Variants in GALNT13 observed in about 807,000 individuals in gnomAD.
The protein encoded by GALNT13 is UDP-GalNAc:polypeptide N-acetylgalactosaminyltransferase 13.
A neutral mutation model predicts 64.2 loss-of-function variants in GALNT13; 28 were observed. The observed-to-expected ratio is 0.44, with a 90% CI of 0.32 to 0.60. The LOEUF (loss-of-function observed/expected upper bound fraction) is 0.60. GALNT13 is among the 20% of genes least tolerant of loss of function. The pLI, the probability that GALNT13 is intolerant of heterozygous loss-of-function variation, is 0.05. For synonymous variants in GALNT13, 214 were observed against 224.6 expected, an observed-to-expected ratio of 0.95 and a Z score of 0.42; for missense variants, 577 against 669.8, an observed-to-expected ratio of 0.86 and a Z score of 1.53.
chr2:153,079,670 C>T, the GALNT13 span, among the ~76,000 whole-genome samples: 577 of 152,214 alleles, frequency 3.8e-3, 5 homozygotes, highest in African/African-American at 0.013. Flanking sequence ...TTTAATTTTT[C>T]TTTAATACTA....
chr2:154,208,084 T>C (rs993909181), intron 4 of GALNT13, among the ~76,000 whole-genome samples: 1 of 152,160 alleles, frequency 6.6e-6, no homozygotes, highest in Non-Finnish European at 1.5e-5. Context: ...AAGTTCCAGT[T>C]AGATCAAAGA....
At chr2:153,094,983 G>A in the GALNT13 span, among the ~76,000 whole-genome samples, 1 of 152,084 alleles carries the variant, frequency 6.6e-6, no homozygotes, top group Non-Finnish European at 1.5e-5. Flanking sequence ...CATGGGCAAG[G>A]ACTTCATGAC....
chr2:153,944,819 T>C (rs1270829305), intron 3 of GALNT13, among the ~76,000 whole-genome samples, 180 bp downstream of exon 3: 1 of 152,172 alleles, frequency 6.6e-6, no homozygotes, highest in African/African-American at 2.4e-5. Context: ...GTCTTAGGCG[T>C]CTTCTTGGAA....
At chr2:153,474,007 C>T in the GALNT13 span, among the ~76,000 whole-genome samples, 25 of 152,248 alleles carry the variant, frequency 1.6e-4, no homozygotes, top group East Asian at 3.5e-3. Context: ...TGAGATCATG[C>T]GTAATCGATC....
chr2:153,168,709 A>G, the GALNT13 span, among the ~76,000 whole-genome samples: 1 of 152,184 alleles, frequency 6.6e-6, no homozygotes, highest in Non-Finnish European at 1.5e-5. Context: ...CCTATCTCCC[A>G]TGATTTTTAA....
intron 3 of GALNT13, among the ~76,000 whole-genome samples, chr2:154,067,750 A>C (rs1037835929): frequency 7.9e-5 from 12 of 152,114 alleles, no homozygotes; most frequent in African/African-American, 2.9e-4. Context: ...CTAAGACTTG[A>C]AACTATGAAA....
At chr2:153,922,663 CA>C (rs35317582) in intron 2 of GALNT13, among the ~76,000 whole-genome samples, 1 of 152,022 alleles carries the variant, frequency 6.6e-6, no homozygotes, top group Non-Finnish European at 1.5e-5. Context: ...ATCCTTCCCC[CA>C]ACCCTTACTC....
the GALNT13 span, among the ~76,000 whole-genome samples, chr2:153,322,025 AT>A: frequency 2.0e-5 from 3 of 148,778 alleles, no homozygotes; most frequent in Admixed American, 6.7e-5. Flanking sequence ...AAAACTATGA[AT>A]TTTTTTTTCA....
intron 1 of GALNT13, among the ~76,000 whole-genome samples, chr2:153,874,759 G>A (rs1459381375): frequency 1.3e-5 from 2 of 152,028 alleles, no homozygotes; most frequent in East Asian, 3.9e-4. Flanking sequence ...CTAGTAGAAG[G>A]GATATTGAAA....
At chr2:154,352,387 G>A (rs747059080) in intron 9 of GALNT13, among the ~76,000 whole-genome samples, 2 of 152,106 alleles carry the variant, frequency 1.3e-5, no homozygotes, top group Non-Finnish European at 1.5e-5. Context: ...GATAAAACAG[G>A]TATTTACTTT....
chr2:153,919,354 A>G (rs978824714), intron 2 of GALNT13, among the ~76,000 whole-genome samples: 25 of 152,148 alleles, frequency 1.6e-4, no homozygotes, highest in African/African-American at 6.0e-4. Flanking sequence ...TATATCCCAT[A>G]TGAAATTCAA....
intron 3 of GALNT13, among the ~76,000 whole-genome samples, chr2:154,101,557 A>G (rs1192454861): frequency 2.0e-5 from 3 of 151,932 alleles, no homozygotes; most frequent in Non-Finnish European, 2.9e-5. Context: ...TCTGTAGTTA[A>G]TCTAGCTTGT....
chr2:154,350,666 C>A (rs1696344483), intron 9 of GALNT13, among the ~76,000 whole-genome samples: 1 of 152,124 alleles, frequency 6.6e-6, no homozygotes, highest in Non-Finnish European at 1.5e-5. Flanking sequence ...TTAGTCCTAT[C>A]CCTCTAGAGA....
chr2:153,400,267 G>A, the GALNT13 span, among the ~76,000 whole-genome samples: 2 of 151,952 alleles, frequency 1.3e-5, no homozygotes, highest in African/African-American at 4.8e-5. Flanking sequence ...GCATCCCAGG[G>A]ATGAAGCCCA....
the GALNT13 span, among the ~76,000 whole-genome samples, chr2:153,703,482 A>G: frequency 6.6e-6 from 1 of 152,016 alleles, no homozygotes; most frequent in Non-Finnish European, 1.5e-5. Context: ...TTTCTAAAAC[A>G]GGTTTTTCAT....
intron 3 of GALNT13, among the ~76,000 whole-genome samples, chr2:154,136,754 AT>A (rs1682976469): frequency 6.6e-6 from 1 of 152,094 alleles, no homozygotes; most frequent in Admixed American, 6.5e-5. Flanking sequence ...TTTTTAAATA[AT>A]TTCACTATAT....
the GALNT13 span, among the ~76,000 whole-genome samples, chr2:153,714,728 A>G: frequency 6.6e-6 from 1 of 152,240 alleles, no homozygotes; most frequent in Non-Finnish European, 1.5e-5. Flanking sequence ...TGGAAATGGC[A>G]AAAGCTAAAT....
At chr2:153,587,108 C>A in the GALNT13 span, among the ~76,000 whole-genome samples, 1 of 151,908 alleles carries the variant, frequency 6.6e-6, no homozygotes, top group African/African-American at 2.4e-5. Context: ...GTGGCACACA[C>A]CTGTAATCCC....
At chr2:153,544,188 G>A in the GALNT13 span, among the ~76,000 whole-genome samples, 1 of 152,126 alleles carries the variant, frequency 6.6e-6, no homozygotes, top group African/African-American at 2.4e-5. Context: ...AATAAGTTTT[G>A]GCATAGTAAG....
Sources: gnomAD v4.1 joint callset for allele counts (sites outside exome capture counted in the v4.1 genomes callset) on GRCh38, gnomAD v4.1.1 for gene constraint, MANE v1.5 for transcripts, NCBI Gene and HGNC (gene_info 2026-07-23, HGNC 2026-07-21) for gene names.